PARD3B: variants seen among roughly 807,000 people sequenced by gnomAD.
The protein encoded by PARD3B is par-3 family cell polarity regulator beta.
A neutral mutation model predicts 130.2 loss-of-function variants in PARD3B; 103 were observed. That is an observed-to-expected ratio of 0.79 (90% CI 0.67 to 0.93). The LOEUF (loss-of-function observed/expected upper bound fraction) is 0.93. Ranked by LOEUF, PARD3B falls within the 40% of genes least tolerant of loss-of-function variation. PARD3B has a pLI of 0.00. For synonymous variants in PARD3B, 583 were observed against 553.2 expected, an observed-to-expected ratio of 1.05 and a Z score of -0.76; for missense variants, 1,609 against 1,499.2, an observed-to-expected ratio of 1.07 and a Z score of -1.21.
intron 20 of PARD3B, among the ~76,000 whole-genome samples, chr2:205,441,964 A>C (rs1396264662): frequency 6.6e-6 from 1 of 152,210 alleles, no homozygotes; most frequent in African/African-American, 2.4e-5. Context: ...GAATTGATTA[A>C]GAGTTGGATT....
At position 205,473,735 on chromosome 2, in the gene PARD3B, A is replaced by AAT. The variant is rs10564722; in HGVS notation, c.3045-26141_3045-26140dup. On this transcript the variant is annotated intron_variant, in intron 20 of 22. Coordinates refer to ENST00000406610, the MANE Select transcript of PARD3B (RefSeq NM_001302769.2). This position sits in a 1 kb window ranked among gnomAD's most constrained non-coding sequence, Gnocchi z 4.9. ...ACACACACACGTATATAAAACCCTA[A>AAT]ATATATATATATATATATATAACCT... 0.013 allele frequency among the ~76,000 whole-genome samples: 1,624 copies of AAT among 125,672 alleles called. 21 individuals carry two copies. Among genetic ancestry groups the AAT allele is most frequent in the East Asian group, 0.077 (338 of 4,390 alleles). The allele number at this position is 125,672 out of a possible 152,430, so 82.4% of individuals were successfully genotyped here. A position where few individuals can be genotyped will look rare whatever the true frequency, so the allele number is the denominator to read the frequency against.
At chr2:205,316,282 A>G (rs2042560889) in intron 18 of PARD3B, among the ~76,000 whole-genome samples, 1 of 152,140 alleles carries the variant, frequency 6.6e-6, no homozygotes, top group African/African-American at 2.4e-5. Context: ...AATAGTAACT[A>G]GCTGTTCTCC....
At chr2:205,520,288 G>A (rs1204651858) in intron 21 of PARD3B, among the ~76,000 whole-genome samples, 2 of 152,174 alleles carry the variant, frequency 1.3e-5, no homozygotes, top group Non-Finnish European at 2.9e-5. Context: ...GATAAGTAGT[G>A]GTGGATATGT....
At chr2:205,363,356 G>T (rs149500401) in intron 18 of PARD3B, among the ~76,000 whole-genome samples, 2 of 152,090 alleles carry the variant, frequency 1.3e-5, no homozygotes, top group Admixed American at 1.3e-4. Flanking sequence ...GGCCTTACCC[G>T]CCAAATCCAT....
At chr2:205,084,455 A>G (rs1701622508) in intron 4 of PARD3B, among the ~76,000 whole-genome samples, 1 of 152,070 alleles carries the variant, frequency 6.6e-6, no homozygotes, top group South Asian at 2.1e-4. Context: ...TTATTGCTGC[A>G]CAGGGTTCAG....
Position 205,525,607 on chromosome 2 carries a change from C to T in PARD3B, c.3180+25576C>T, listed in dbSNP as rs928161274. On this transcript the variant is annotated intron_variant, in intron 21 of 22. Coordinates refer to ENST00000406610, the MANE Select transcript of PARD3B (RefSeq NM_001302769.2). This position sits in a 1 kb window ranked among gnomAD's most constrained non-coding sequence, Gnocchi z 4.2. ...AGCTCCTAGACTGAGGTCTATTGTG[C>T]GGATGCTAATCTAATAACAGAATCA... is the stretch of plus-strand genomic sequence containing the variant. 6.6e-6 allele frequency among the ~76,000 whole-genome samples: 1 copy of T among 152,108 alleles called. No homozygotes were observed. The highest frequency in any genetic ancestry group is 1.5e-5 in the Non-Finnish European group (1 of 68,028).
At chr2:205,537,976 T>A (rs1253476506) in intron 21 of PARD3B, among the ~76,000 whole-genome samples, 1 of 152,204 alleles carries the variant, frequency 6.6e-6, no homozygotes, top group East Asian at 1.9e-4. Flanking sequence ...AGTTGAGGAT[T>A]ACGTGTTTCT....
chr2:205,042,703 T>C (rs1415289061), intron 3 of PARD3B, among the ~76,000 whole-genome samples: 1 of 152,136 alleles, frequency 6.6e-6, no homozygotes, highest in Admixed American at 6.6e-5. Context: ...TTGAACACTT[T>C]AGTGGTACCT....
intron 21 of PARD3B, among the ~76,000 whole-genome samples, chr2:205,508,663 C>A (rs116075246): frequency 0.04 from 6,016 of 152,120 alleles, 162 homozygotes; most frequent in Middle Eastern, 0.054. Context: ...AGTTGATGAA[C>A]CTTCTTGAGC....
Position 205,550,958 on chromosome 2 carries a change from T to TATATATATATAC in PARD3B, c.3181-2355_3181-2354insCATATATATATA, listed in dbSNP as rs2052609430. ...GTGTGTGTGTATATATATATGTGTA[T>TATATATATATAC]ATATATATATATATATATACACACA... On this transcript the variant is annotated intron_variant, in intron 21 of 22. Transcript: ENST00000406610. This position sits in a 1 kb window ranked among gnomAD's most constrained non-coding sequence, Gnocchi z 4.5. 1.1e-5 allele frequency among the ~76,000 whole-genome samples: 1 copy of TATATATATATAC among 93,554 alleles called. No homozygotes were observed. Among genetic ancestry groups the TATATATATATAC allele is most frequent in the Non-Finnish European group, 2.5e-5 (1 of 39,654 alleles). The allele number at this position is 93,554 out of a possible 152,430, so 61.4% of individuals were successfully genotyped here.
chr2:204,669,709 G>T lies in PARD3B; in HGVS notation c.121-16472G>T, dbSNP rs10168149. ...AAAGTATGGTTATCATTACAGAAAA[G>T]AATGTAAATATTTGCAACTTCAGTA... On this transcript the variant is annotated intron_variant, in intron 1 of 22. Transcript: ENST00000406610. This position sits in a 1 kb window ranked among gnomAD's most constrained non-coding sequence, Gnocchi z 4.3. Among the ~76,000 whole-genome samples the T allele has an allele frequency of 1.9e-3, 288 of 152,162 alleles. 2 individuals are homozygous for T. Among genetic ancestry groups the T allele is most frequent in the African/African-American group, 6.8e-3 (281 of 41,516 alleles).
chr2:204,994,626 G>A (rs954096256), intron 3 of PARD3B, among the ~76,000 whole-genome samples: 1 of 151,746 alleles, frequency 6.6e-6, no homozygotes, highest in Non-Finnish European at 1.5e-5. Context: ...TTCAATTCCT[G>A]GGTATCCTTG....
intron 2 of PARD3B, among the ~76,000 whole-genome samples, chr2:204,895,326 A>G (rs113305275): frequency 1.1e-3 from 168 of 152,230 alleles, no homozygotes; most frequent in African/African-American, 3.8e-3. Flanking sequence ...ACTTTAAGAA[A>G]AGGATACTTA....
At chr2:205,338,536 C>T (rs950723356) in intron 18 of PARD3B, among the ~76,000 whole-genome samples, 3 of 152,170 alleles carry the variant, frequency 2.0e-5, no homozygotes, top group Admixed American at 2.0e-4. Flanking sequence ...CTAGCTTTGA[C>T]TTTTACTGGG....
intron 3 of PARD3B, among the ~76,000 whole-genome samples, chr2:204,998,803 A>G (rs1392765098): frequency 6.6e-6 from 1 of 151,882 alleles, no homozygotes; most frequent in East Asian, 1.9e-4. Flanking sequence ...AACTTCTGAC[A>G]CCCTGGTTCA....
intron 10 of PARD3B, among the ~76,000 whole-genome samples, chr2:205,129,296 G>C (rs1411525979): frequency 6.6e-6 from 1 of 152,286 alleles, no homozygotes; most frequent in East Asian, 1.9e-4. Flanking sequence ...TGCCTGCCTC[G>C]AATGCCAAGA....
intron 19 of PARD3B, among the ~76,000 whole-genome samples, chr2:205,419,494 T>G (rs183513141): frequency 1.3e-5 from 2 of 152,196 alleles, no homozygotes; most frequent in Admixed American, 1.3e-4. Context: ...GAACTTTCTT[T>G]ACAGTTTTGA....
rs151017956 is a variant in PARD3B, at chr2:204,900,187, T to C, written c.223-64965T>C. Reference sequence around the variant, plus strand: ...GGGAAATTCTCTGTTGGTTTCACTTTGAATAAATTTTCTATCCCTATCTCT... The same window carrying C: ...GGGAAATTCTCTGTTGGTTTCACTTCGAATAAATTTTCTATCCCTATCTCT... On this transcript the variant is annotated intron_variant, in intron 2 of 22. Coordinates refer to ENST00000406610, the MANE Select transcript of PARD3B (RefSeq NM_001302769.2). Among the ~76,000 whole-genome samples the C allele has an allele frequency of 5.1e-4, 78 of 152,282 alleles. No individual in the cohort carries two copies. The East Asian group carries it at 0.011, about 22-fold the overall frequency.
chr2:205,221,862 A>G (rs1285076086), intron 15 of PARD3B, among the ~76,000 whole-genome samples: 2 of 152,112 alleles, frequency 1.3e-5, no homozygotes, highest in African/African-American at 2.4e-5. Context: ...AACTTATTAT[A>G]ACTCTTATTT....
Sources: gnomAD v4.1 joint callset for allele counts (sites outside exome capture counted in the v4.1 genomes callset) on GRCh38, gnomAD v4.1.1 for gene constraint, Gnocchi (gnomAD v3.1) non-coding constraint, MANE v1.5 for transcripts, NCBI Gene and HGNC (gene_info 2026-07-23, HGNC 2026-07-21) for gene names.